The following KIF6 variants were observed in gnomAD, a reference collection of about 807,000 sequenced individuals.
KIF6 encodes kinesin-like protein KIF6.
Under a neutral mutation model 112.7 loss-of-function variants are expected in KIF6, and 106 were observed. That is an observed-to-expected ratio of 0.94 (90% CI 0.80 to 1.11). KIF6 has a LOEUF of 1.11. Among genes scored for constraint, KIF6 ranks in the 50% least tolerant of loss-of-function variants. The pLI, the probability that KIF6 is intolerant of heterozygous loss-of-function variation, is 0.00. For missense variants in KIF6, 929 were observed against 964.0 expected (o/e 0.96, Z 0.48); for synonymous variants, 339 against 339.9 (o/e 1.00, Z 0.03).
At chr6:39,414,775 A>G (rs778259293) in intron 15 of KIF6, among the ~76,000 whole-genome samples, 9 of 152,194 alleles carry the variant, frequency 5.9e-5, no homozygotes, top group Non-Finnish European at 1.3e-4. Context: ...TCAGAAGACA[A>G]TGTCAAAGTC....
chr6:39,463,663 G>A lies in KIF6; in HGVS notation c.1646-32502C>T, dbSNP rs527979366. ...TCATCTCAAAAAATAATTGTATGAT[G>A]TCCCATCAGATGGCCACTTTTTAAA... On this transcript the variant is annotated intron_variant, in intron 13 of 22. Transcript: ENST00000287152. Among the ~76,000 whole-genome samples, 22 of 152,228 alleles carry A rather than the reference G, an allele frequency of 1.4e-4. 1 individual carries two copies. In the South Asian group the frequency reaches 3.9e-3, roughly 27 times the overall value.
chr6:39,699,838 T>C (rs1788772350), intron 3 of KIF6, among the ~76,000 whole-genome samples: 1 of 152,228 alleles, frequency 6.6e-6, no homozygotes, highest in Non-Finnish European at 1.5e-5. Flanking sequence ...ATATCTTGAC[T>C]GATCACACAA....
chr6:39,458,130 C>G (rs1006569278), intron 13 of KIF6, among the ~76,000 whole-genome samples: 14 of 149,666 alleles, frequency 9.4e-5, no homozygotes, highest in African/African-American at 3.3e-4. Context: ...CAATAAAATA[C>G]TGGCAAACCG....
intron 13 of KIF6, among the ~76,000 whole-genome samples, chr6:39,511,787 T>C (rs1427298324): frequency 6.6e-6 from 1 of 152,168 alleles, no homozygotes; most frequent in Non-Finnish European, 1.5e-5. Flanking sequence ...TTCATGTCCT[T>C]TGAAGGAACA....
At chr6:39,547,085 C>A (rs891986505) in intron 10 of KIF6, among the ~76,000 whole-genome samples, 29 of 152,126 alleles carry the variant, frequency 1.9e-4, no homozygotes, top group African/African-American at 7.0e-4. Context: ...TGTTATGTAT[C>A]ATAATACAGC....
chr6:39,372,218 CA>C (rs1365781135), intron 16 of KIF6, among the ~76,000 whole-genome samples: 1 of 149,364 alleles, frequency 6.7e-6, no homozygotes, highest in Non-Finnish European at 1.5e-5. Context: ...AATTTCCATC[CA>C]GGGGCAGAGG....
intron 13 of KIF6, among the ~76,000 whole-genome samples, chr6:39,528,621 C>G (rs1191298665): frequency 6.6e-6 from 1 of 152,206 alleles, no homozygotes; most frequent in Non-Finnish European, 1.5e-5. Context: ...TTCTCCACAT[C>G]CTCCCCAACA....
At chr6:39,510,807 T>G (rs1582015894) in intron 13 of KIF6, among the ~76,000 whole-genome samples, 1 of 142,288 alleles carries the variant, frequency 7.0e-6, no homozygotes, top group South Asian at 2.2e-4. Flanking sequence ...ATCCATCTCA[T>G]GTGCAAAGAC....
chr6:39,407,200 G>A (rs1317554106), intron 15 of KIF6, among the ~76,000 whole-genome samples: 1 of 152,058 alleles, frequency 6.6e-6, no homozygotes, highest in South Asian at 2.1e-4. Context: ...CCTTCTTTGA[G>A]CTGTGGTTTT....
intron 13 of KIF6, among the ~76,000 whole-genome samples, chr6:39,531,672 T>C (rs1778070043): frequency 6.6e-6 from 1 of 152,068 alleles, no homozygotes; most frequent in African/African-American, 2.4e-5. Context: ...ACGGTTCTTG[T>C]CTCCATGAAA....
At chr6:39,510,481 C>T (rs1232804978) in intron 13 of KIF6, among the ~76,000 whole-genome samples, 2 of 152,148 alleles carry the variant, frequency 1.3e-5, no homozygotes, top group Non-Finnish European at 2.9e-5. Context: ...AAATCCTTTA[C>T]AGACAAGCAA....
intron 3 of KIF6, among the ~76,000 whole-genome samples, chr6:39,705,043 G>A (rs1023135515): frequency 1.3e-5 from 2 of 152,134 alleles, no homozygotes; most frequent in Admixed American, 6.5e-5. Context: ...TACCAATTTC[G>A]GAATTGTAAA....
intron 15 of KIF6, among the ~76,000 whole-genome samples, chr6:39,408,784 A>T (rs914165753): frequency 2.0e-5 from 3 of 152,176 alleles, no homozygotes; most frequent in Non-Finnish European, 2.9e-5. Flanking sequence ...TTTGCTATGT[A>T]TATTAATGTA....
intron 10 of KIF6, among the ~76,000 whole-genome samples, chr6:39,547,811 T>C (rs191609655): frequency 4.9e-4 from 74 of 152,342 alleles, no homozygotes; most frequent in Non-Finnish European, 6.8e-4. Flanking sequence ...CTAATGGCTA[T>C]ATAATATTCC....
intron 15 of KIF6, among the ~76,000 whole-genome samples, chr6:39,396,740 G>A (rs1274263153): frequency 6.6e-6 from 1 of 152,174 alleles, no homozygotes; most frequent in Non-Finnish European, 1.5e-5. Flanking sequence ...AAAGCCCCCA[G>A]CACAGTGCCT....
chr6:39,610,908 C>T (rs930939663), intron 6 of KIF6, among the ~76,000 whole-genome samples: 8 of 152,072 alleles, frequency 5.3e-5, no homozygotes, highest in African/African-American at 1.9e-4. Flanking sequence ...GAAAAATAAA[C>T]AAATTAAACA....
At chr6:39,655,837 A>G (rs1300712248) in intron 3 of KIF6, among the ~76,000 whole-genome samples, 1 of 152,230 alleles carries the variant, frequency 6.6e-6, no homozygotes, top group East Asian at 1.9e-4. Flanking sequence ...GATTTATAAT[A>G]CAGTCTGATA....
Position 39,345,683 on chromosome 6 carries a change from A to G in KIF6, c.2321+17T>C, listed in dbSNP as rs1763651332. 5 of 1,607,512 alleles carry G rather than the reference A, an allele frequency of 3.1e-6. No individual in the cohort carries two copies. The highest frequency in any genetic ancestry group is 4.3e-6 in the Non-Finnish European group (5 of 1,176,450). ...CTGCAGGGGCTGTCACAGGCATAAC[A>G]GGAGAAGACCACAGACCTGTCTTCC... On this transcript the variant is annotated intron_variant, in intron 21 of 22. Transcript: ENST00000287152.
At chr6:39,701,948 A>G (rs1384402942) in intron 3 of KIF6, among the ~76,000 whole-genome samples, 1 of 152,236 alleles carries the variant, frequency 6.6e-6, no homozygotes, top group African/African-American at 2.4e-5. Flanking sequence ...GGTATACACA[A>G]AATAGATCAA....
Sources: gnomAD v4.1 joint callset for allele counts (sites outside exome capture counted in the v4.1 genomes callset) on GRCh38, gnomAD v4.1.1 for gene constraint, MANE v1.5 for transcripts, NCBI Gene and HGNC (gene_info 2026-07-23, HGNC 2026-07-21) for gene names.